The following USP15 variants were observed in gnomAD, a reference collection of about 807,000 sequenced individuals.
USP15 encodes ubiquitin specific peptidase 15, also known as ubiquitin carboxyl-terminal hydrolase 15.
In USP15, 18 loss-of-function variants were observed where a neutral mutation model predicts 127.1. The observed-to-expected ratio is 0.14, with a 90% CI of 0.10 to 0.21. USP15 has a LOEUF of 0.21. USP15 is among the 10% of genes least tolerant of loss of function. USP15 has a pLI of 1.00. For synonymous variants in USP15, 364 were observed against 393.7 expected, an observed-to-expected ratio of 0.92 and a Z score of 0.89; for missense variants, 805 against 1,159.9, an observed-to-expected ratio of 0.69 and a Z score of 4.44.
At chr12:62,385,516 A>G (rs1044658067) in intron 11 of USP15, among the ~76,000 whole-genome samples, 2 of 151,924 alleles carry the variant, frequency 1.3e-5, no homozygotes, top group African/African-American at 4.8e-5. Flanking sequence ...AATTTAAGCA[A>G]TTTGTTTTTC....
At chr12:62,261,945 A>T (rs191022468) in intron 1 of USP15, among the ~76,000 whole-genome samples, 207 of 152,298 alleles carry the variant, frequency 1.4e-3, no homozygotes, top group Non-Finnish European at 1.9e-3. Context: ...GTGACTTAAT[A>T]ATAGTTATTG....
intron 9 of USP15, among the ~76,000 whole-genome samples, chr12:62,383,044 T>C (rs1346789196): frequency 6.6e-6 from 1 of 151,948 alleles, no homozygotes; most frequent in Non-Finnish European, 1.5e-5. Context: ...AAAGATTACA[T>C]GTGTTGATCT....
intron 6 of USP15, among the ~76,000 whole-genome samples, chr12:62,348,711 C>CT (rs2065887783): frequency 2.6e-5 from 4 of 152,122 alleles, no homozygotes; most frequent in Admixed American, 2.6e-4. Context: ...AGATTTATGA[C>CT]TTTTCCCTTT....
At chr12:62,351,440 G>A (rs145668409) in intron 7 of USP15, among the ~76,000 whole-genome samples, 1 of 150,918 alleles carries the variant, frequency 6.6e-6, no homozygotes, top group South Asian at 2.1e-4. Context: ...TACTGTAAGA[G>A]AATTCATTTA....
At chr12:62,348,415 C>T (rs941502310) in intron 6 of USP15, among the ~76,000 whole-genome samples, 1 of 152,058 alleles carries the variant, frequency 6.6e-6, no homozygotes, top group Non-Finnish European at 1.5e-5. Flanking sequence ...GTGAATCATT[C>T]GGGGCCTCAC....
At chr12:62,275,752 G>A (rs1294903535) in intron 1 of USP15, among the ~76,000 whole-genome samples, 1 of 152,040 alleles carries the variant, frequency 6.6e-6, no homozygotes, top group African/African-American at 2.4e-5. Context: ...GGGATTTGAG[G>A]AAGATTACTT....
chr12:62,261,540 T>G (rs2063058194), intron 1 of USP15, among the ~76,000 whole-genome samples: 1 of 152,190 alleles, frequency 6.6e-6, no homozygotes, highest in Non-Finnish European at 1.5e-5. Context: ...CTGAGTTATG[T>G]CACAGTTTCA....
chr12:62,304,681 C>T (rs1383322308), intron 3 of USP15: 2 of 452,508 alleles, frequency 4.4e-6, no homozygotes, highest in Non-Finnish European at 8.9e-6. Context: ...AGTGTCAACA[C>T]TCAAAGAATG....
intron 6 of USP15, among the ~76,000 whole-genome samples, chr12:62,341,471 T>C (rs2065647076): frequency 6.6e-6 from 1 of 152,160 alleles, no homozygotes; most frequent in Non-Finnish European, 1.5e-5. Context: ...TTCTTCATAG[T>C]GTCATTGGTC....
rs998561253 is a variant in USP15 at position 62,414,494 on chromosome 12, C to G, written c.*10119C>G. On this transcript the variant is annotated 3_prime_UTR_variant, in exon 22 of 22. Transcript: ENST00000280377. ...TAGCTGGGTCTACAGGCATGTGCCA[C>G]CACACCACACCTGGCTAATTTTTGT... 6.6e-6 allele frequency: 1 copy of G among 152,258 alleles called. No homozygotes were observed. Among genetic ancestry groups the G allele is most frequent in the African/African-American group, 2.4e-5 (1 of 41,444 alleles). 9.4% of individuals were successfully genotyped at this position (152,258 alleles called of 1,614,324 possible). A position where few individuals can be genotyped will look rare whatever the true frequency, so the allele number is the denominator to read the frequency against.
intron 1 of USP15, among the ~76,000 whole-genome samples, chr12:62,277,288 G>C (rs567578224): frequency 1.3e-5 from 2 of 152,200 alleles, no homozygotes; most frequent in South Asian, 4.1e-4. Context: ...CACATGTAAA[G>C]CTGTGCTACT....
chr12:62,277,262 T>C (rs1399248436), intron 1 of USP15, among the ~76,000 whole-genome samples: 4 of 152,178 alleles, frequency 2.6e-5, no homozygotes, highest in Non-Finnish European at 5.9e-5. Context: ...TATTTATATA[T>C]TTCCTAACCA....
chr12:62,401,223 G>T lies in USP15; in HGVS notation c.2711G>T (p.Trp904Leu), dbSNP rs2067677474. The part of the protein sequence containing the change: ...AFAKNKDDGK[W>L]YYFDDSSVST... The stretch of plus-strand genomic sequence containing the variant: ...GCAAAAAATAAAGATGATGGAAAAT[G>T]GTACTATTTTGATGACAGTAGTGTC... The change falls in exon 21 of 22, where the codon TGG (tryptophan) becomes TTG (leucine). Residue 904 changes from tryptophan (W) to leucine (L), a missense_variant. Transcript: ENST00000280377. 1.2e-6 allele frequency: 2 copies of T among 1,611,600 alleles called. No individual in the cohort carries two copies. Among genetic ancestry groups the T allele is most frequent in the African/African-American group, 1.3e-5 (1 of 74,894 alleles).
chr12:62,395,588 TATTC>T (rs1405445261), intron 19 of USP15, among the ~76,000 whole-genome samples: 1 of 152,028 alleles, frequency 6.6e-6, no homozygotes, highest in East Asian at 1.9e-4. Context: ...TAGTATGTTT[TATTC>T]ATTCGTTTTT....
chr12:62,393,006 G>T, intron 18 of USP15, 47 bp from the exon 19 acceptor site: 3 of 1,578,780 alleles, frequency 1.9e-6, no homozygotes, highest in Non-Finnish European at 2.6e-6. Context: ...ATTAATGGGG[G>T]TTGTTTGTAC....
intron 1 of USP15, among the ~76,000 whole-genome samples, chr12:62,273,848 C>G (rs758591821): frequency 6.6e-6 from 1 of 152,028 alleles, no homozygotes; most frequent in Non-Finnish European, 1.5e-5. Context: ...TTTGAAAATA[C>G]TCATTTTCTC....
intron 8 of USP15, among the ~76,000 whole-genome samples, chr12:62,356,125 C>T (rs538197525): frequency 9.2e-5 from 14 of 151,718 alleles, no homozygotes; most frequent in African/African-American, 3.4e-4. Context: ...ATTTTATTCC[C>T]CTTTTACAGA....
chr12:62,328,243 G>A (rs1250841544), intron 6 of USP15: 1 of 437,564 alleles, frequency 2.3e-6, no homozygotes, highest in Non-Finnish European at 4.6e-6. Flanking sequence ...ATAAAAAGCA[G>A]TTGTTTTTTC....
At chr12:62,299,807 T>C (rs2064252260) in intron 2 of USP15, among the ~76,000 whole-genome samples, 1 of 152,234 alleles carries the variant, frequency 6.6e-6, no homozygotes, top group African/African-American at 2.4e-5. Flanking sequence ...ATTCATTGCT[T>C]CACATTATTA....
Sources: allele counts gnomAD v4.1 joint callset (sites outside exome capture counted in the v4.1 genomes callset), GRCh38; gene constraint gnomAD v4.1.1; transcripts MANE v1.5; gene names NCBI Gene and HGNC (gene_info 2026-07-23, HGNC 2026-07-21).